The following ST6GALNAC6 variants were observed in gnomAD, a reference collection of about 807,000 sequenced individuals.
The protein encoded by ST6GALNAC6 is alpha-N-acetylgalactosaminide alpha-2,6-sialyltransferase 6.
A neutral mutation model predicts 34.3 loss-of-function variants in ST6GALNAC6; 19 were observed. The ratio of observed to expected loss-of-function variants is 0.55; its 90% CI spans 0.39 to 0.81. ST6GALNAC6 has a LOEUF of 0.81. ST6GALNAC6 is among the 40% of genes least tolerant of loss of function. The probability of loss-of-function intolerance (pLI) is 0.00; values close to 1 mark genes in which losing one functional copy is unlikely to be tolerated. For missense variants in ST6GALNAC6, 377 were observed against 467.7 expected (o/e 0.81, Z 1.79); for synonymous variants, 185 against 182.1 (o/e 1.02, Z -0.13).
At chr9:127,894,111 G>A in intron 4 of ST6GALNAC6, among the ~76,000 whole-genome samples, 1 of 152,192 alleles carries the variant, frequency 6.6e-6, no homozygotes, top group East Asian at 1.9e-4. Context: ...GGGCTTGTCT[G>A]AGGATTACTG....
chr9:127,905,245 G>A (rs1830887464), exon 1 of ST6GALNAC6: 1 of 985,440 alleles, frequency 1.0e-6, no homozygotes, highest in Non-Finnish European at 1.2e-6. Context: ...CAAAAGCAGA[G>A]AGTCTTCAGT....
chr9:127,896,370 C>A, intron 2 of ST6GALNAC6, 38 bp from the exon 3 acceptor site: 1 of 1,565,212 alleles, frequency 6.4e-7, no homozygotes, highest in Non-Finnish European at 8.7e-7. Flanking sequence ...GGCTTCGGTC[C>A]TTTGGGTCCA....
At chr9:127,901,763 C>A (rs182779115), upstream of ST6GALNAC6, among the ~76,000 whole-genome samples, 26 of 152,178 alleles carry the variant, frequency 1.7e-4, no homozygotes, top group East Asian at 4.4e-3. Flanking sequence ...GAAGCCCAGT[C>A]TCTACTAAAA....
chr9:127,897,612 G>C (rs1830550400), intron 2 of ST6GALNAC6, among the ~76,000 whole-genome samples: 1 of 152,158 alleles, frequency 6.6e-6, no homozygotes, highest in Non-Finnish European at 1.5e-5. Context: ...CTGCGGTACA[G>C]AGCAGAAAAC....
At chr9:127,896,125 C>A in intron 3 of ST6GALNAC6, 117 bp downstream of exon 3, 2 of 1,240,236 alleles carry the variant, frequency 1.6e-6, no homozygotes, top group Non-Finnish European at 1.2e-6. Flanking sequence ...GCATGGGCAG[C>A]TTCTTGCGGG....
Position 127,886,500 on chromosome 9 carries a change from C to T in ST6GALNAC6, c.*99G>A. On this transcript the variant is annotated 3_prime_UTR_variant, in exon 7 of 7. Transcript: ENST00000373146. ...AGGCCCTGATTGGCTGGGAGACACT[C>T]CAGCAAGCCTTGATTGGCCAGAAGA... 2 of 1,526,398 alleles carry T rather than the reference C, an allele frequency of 1.3e-6. No homozygotes were observed. The highest frequency in any genetic ancestry group is 8.8e-7 in the Non-Finnish European group (1 of 1,136,710). The allele number at this position is 1,526,398 out of a possible 1,614,324, so 94.6% of individuals were successfully genotyped here. A position where few individuals can be genotyped will look rare whatever the true frequency, so the allele number is the denominator to read the frequency against.
At chr9:127,886,871 G>A (rs1829796370) in intron 6 of ST6GALNAC6, 83 bp from the exon 7 acceptor site, 2 of 1,382,950 alleles carry the variant, frequency 1.4e-6, no homozygotes, top group African/African-American at 1.4e-5. Flanking sequence ...CTTACCATAG[G>A]ACCTCAATAG....
At chr9:127,901,410 T>G (rs1282973622), upstream of ST6GALNAC6, among the ~76,000 whole-genome samples, 1 of 151,062 alleles carries the variant, frequency 6.6e-6, no homozygotes, top group African/African-American at 2.4e-5. Context: ...GCTAACATGG[T>G]GAAACCCCGT....
At chr9:127,897,077 C>A in intron 2 of ST6GALNAC6, 4 of 877,238 alleles carry the variant, frequency 4.6e-6, no homozygotes, top group Non-Finnish European at 5.5e-6. Context: ...TAATCACAGT[C>A]TCAGGGGGTG....
chr9:127,896,947 G>C (rs1373299159), intron 2 of ST6GALNAC6: 1 of 985,178 alleles, frequency 1.0e-6, no homozygotes, highest in Non-Finnish European at 1.2e-6. Flanking sequence ...GAATGAATTA[G>C]TGCATTAACA....
At chr9:127,896,971 G>A (rs1019272052) in intron 2 of ST6GALNAC6, 12 of 982,708 alleles carry the variant, frequency 1.2e-5, no homozygotes, top group African/African-American at 1.8e-5. Context: ...AGGATCTCTC[G>A]GGGGCTAAGG....
chr9:127,891,157 A>G (rs1211738605), intron 4 of ST6GALNAC6, 114 bp from the exon 5 acceptor site: 1 of 1,273,716 alleles, frequency 7.9e-7, no homozygotes, highest in Non-Finnish European at 1.1e-6. Flanking sequence ...AGACAGGGAA[A>G]CTGAGCCCAT....
intron 4 of ST6GALNAC6, among the ~76,000 whole-genome samples, chr9:127,891,348 G>A (rs544871239): frequency 6.6e-6 from 1 of 152,308 alleles, no homozygotes; most frequent in African/African-American, 2.4e-5. Context: ...AAGCATTGTA[G>A]CTCATGCCTG....
intron 4 of ST6GALNAC6, among the ~76,000 whole-genome samples, chr9:127,891,412 T>C (rs1315595048): frequency 1.3e-5 from 2 of 151,724 alleles, no homozygotes; most frequent in African/African-American, 4.8e-5. Flanking sequence ...GGTCAGAAGT[T>C]CGAGACCAGC....
chr9:127,902,423 G>A (rs1310831124), upstream of ST6GALNAC6, among the ~76,000 whole-genome samples: 1 of 152,124 alleles, frequency 6.6e-6, no homozygotes, highest in Non-Finnish European at 1.5e-5. Flanking sequence ...GCCTTCCAAA[G>A]TGCTGGGATT....
intron 1 of ST6GALNAC6, among the ~76,000 whole-genome samples, chr9:127,898,866 G>C (rs1364538592): frequency 6.6e-6 from 1 of 152,248 alleles, no homozygotes; most frequent in East Asian, 1.9e-4. Context: ...GGGTCTAGGG[G>C]TGCCGGCCTG....
upstream of ST6GALNAC6, chr9:127,903,768 G>T (rs1311099344): frequency 1.3e-5 from 2 of 152,250 alleles, no homozygotes; most frequent in African/African-American, 4.8e-5. Context: ...GAGGCCTGAT[G>T]AACTTGACTT....
At chr9:127,894,080 G>T (rs1830302700) in intron 4 of ST6GALNAC6, among the ~76,000 whole-genome samples, 1 of 152,174 alleles carries the variant, frequency 6.6e-6, no homozygotes, top group Non-Finnish European at 1.5e-5. Context: ...CACCAAGGAA[G>T]ATAATAATGC....
intron 4 of ST6GALNAC6, 121 bp downstream of exon 4, chr9:127,894,391 G>C: frequency 7.8e-7 from 1 of 1,273,992 alleles, no homozygotes; most frequent in Non-Finnish European, 1.1e-6. Flanking sequence ...CAAGCAGCAA[G>C]ATGAAATCAC....
Sources: allele counts gnomAD v4.1 joint callset (sites outside exome capture counted in the v4.1 genomes callset), GRCh38; gene constraint gnomAD v4.1.1; transcripts MANE v1.5; gene names NCBI Gene and HGNC (gene_info 2026-07-23, HGNC 2026-07-21).